EDC3: variants seen among roughly 807,000 people sequenced by gnomAD.
The protein encoded by EDC3 is enhancer of mRNA-decapping protein 3.
EDC3 carries 20 observed loss-of-function variants against 41.8 expected under a neutral mutation model. The ratio of observed to expected loss-of-function variants is 0.48; its 90% CI spans 0.34 to 0.70. The LOEUF (loss-of-function observed/expected upper bound fraction) is 0.70. Ranked by LOEUF, EDC3 falls within the 30% of genes least tolerant of loss-of-function variation. EDC3 has a pLI of 0.01. For synonymous variants in EDC3, 206 were observed against 243.2 expected, an observed-to-expected ratio of 0.85 and a Z score of 1.42; for missense variants, 444 against 636.8, an observed-to-expected ratio of 0.70 and a Z score of 3.26.
At chr15:74,655,454 C>G (rs2062534417) in intron 4 of EDC3, among the ~76,000 whole-genome samples, 1 of 152,102 alleles carries the variant, frequency 6.6e-6, no homozygotes, top group Non-Finnish European at 1.5e-5. Flanking sequence ...ATAGCAGGCC[C>G]TTTGCCTTTA....
Position 74,667,911 on chromosome 15 carries a change from C to CAT in EDC3, c.484+3542_484+3543dup, listed in dbSNP as rs1430922897. Among the ~76,000 whole-genome samples the CAT allele has an allele frequency of 2.6e-5, 4 of 152,228 alleles. No individual in the cohort carries two copies. The East Asian group carries it at 7.7e-4, about 29-fold the overall frequency. On this transcript the variant is annotated intron_variant, in intron 3 of 6. Coordinates refer to ENST00000315127, the MANE Select transcript of EDC3 (RefSeq NM_025083.5). ...CATAGTGATTTCCTTCCAAAGAGTA[C>CAT]ATATGTAAAGGGGAAGAAAGAGTCA...
intron 1 of EDC3, chr15:74,693,138 A>G (rs2063027174): frequency 6.6e-6 from 1 of 152,222 alleles, no homozygotes; most frequent in African/African-American, 2.4e-5. Flanking sequence ...CTAATATTCC[A>G]GGTACAAGCC....
chr15:74,640,191 T>G, intron 5 of EDC3: 1 of 380,354 alleles, frequency 2.6e-6, no homozygotes, highest in Non-Finnish European at 4.8e-6. Context: ...GGAAGGCTTC[T>G]GATAGTTAGC....
chr15:74,694,947 T>C (rs960758933), intron 1 of EDC3, among the ~76,000 whole-genome samples: 2 of 151,044 alleles, frequency 1.3e-5, no homozygotes, highest in African/African-American at 4.9e-5. Flanking sequence ...GTACACGTAA[T>C]CTGCCATTCA....
intron 5 of EDC3, chr15:74,637,539 G>A (rs1482090033): frequency 6.6e-6 from 1 of 152,196 alleles, no homozygotes; most frequent in African/African-American, 2.4e-5. Context: ...GGATCTAACA[G>A]CTAGGAAGCA....
At chr15:74,676,073 T>C (rs1198867492) in intron 1 of EDC3, among the ~76,000 whole-genome samples, 2 of 152,056 alleles carry the variant, frequency 1.3e-5, no homozygotes, top group Non-Finnish European at 2.9e-5. Context: ...CACAACAGAA[T>C]TAAATTTGAA....
intron 6 of EDC3, among the ~76,000 whole-genome samples, chr15:74,634,426 C>G (rs1258085683): frequency 6.6e-6 from 1 of 152,214 alleles, no homozygotes. Flanking sequence ...CCAGGCTCCT[C>G]ATGGCTTAAA....
chr15:74,656,790 T>C (rs944818193), intron 3 of EDC3, among the ~76,000 whole-genome samples: 1 of 152,162 alleles, frequency 6.6e-6, no homozygotes, highest in South Asian at 2.1e-4. Context: ...CACCCTATCC[T>C]GTGCCTATAA....
intron 2 of EDC3, among the ~76,000 whole-genome samples, chr15:74,672,685 C>T (rs535143287): frequency 5.9e-5 from 9 of 151,822 alleles, no homozygotes; most frequent in African/African-American, 2.2e-4. Context: ...TGTGGTGGTA[C>T]GCACCTGCAA....
At chr15:74,659,635 C>G (rs1402949311) in intron 3 of EDC3, among the ~76,000 whole-genome samples, 1 of 151,654 alleles carries the variant, frequency 6.6e-6, no homozygotes, top group Non-Finnish European at 1.5e-5. Context: ...CTTTGGGAGG[C>G]CAAGGTGGGC....
intron 4 of EDC3, chr15:74,642,337 C>T (rs1189657640): frequency 2.0e-5 from 3 of 152,200 alleles, no homozygotes; most frequent in African/African-American, 7.2e-5. Context: ...AGCACTGAGT[C>T]TCTCCTCCCA....
At chr15:74,694,745 ACT>A (rs2063046676) in intron 1 of EDC3, among the ~76,000 whole-genome samples, 1 of 152,248 alleles carries the variant, frequency 6.6e-6, no homozygotes, top group African/African-American at 2.4e-5. Context: ...GTGTGTACAC[ACT>A]GAGTGTGCAG....
At chr15:74,644,471 T>C (rs2062389731) in intron 4 of EDC3, 1 of 151,994 alleles carries the variant, frequency 6.6e-6, no homozygotes, top group African/African-American at 2.4e-5. Flanking sequence ...TGAGAACACA[T>C]GGACACAGGG....
intron 4 of EDC3, among the ~76,000 whole-genome samples, chr15:74,647,837 T>G (rs1004878376): frequency 6.6e-6 from 1 of 152,224 alleles, no homozygotes; most frequent in African/African-American, 2.4e-5. Context: ...AGTGAAAAGT[T>G]GTGACACTTC....
chr15:74,673,147 A>C (rs1596324598), intron 2 of EDC3, among the ~76,000 whole-genome samples: 1 of 152,268 alleles, frequency 6.6e-6, no homozygotes, highest in South Asian at 2.1e-4. Context: ...CATCATGATC[A>C]CAATGGATTT....
intron 4 of EDC3, among the ~76,000 whole-genome samples, chr15:74,654,071 T>C (rs902431157): frequency 6.6e-6 from 1 of 151,946 alleles, no homozygotes; most frequent in East Asian, 1.9e-4. Context: ...GCCAACATAG[T>C]GAAACCCCAT....
intron 3 of EDC3, among the ~76,000 whole-genome samples, chr15:74,656,517 T>C (rs1336041904): frequency 6.6e-6 from 1 of 152,178 alleles, no homozygotes; most frequent in African/African-American, 2.4e-5. Flanking sequence ...CTTAACCAGT[T>C]ATCCCCTTCA....
chr15:74,676,033 A>C (rs1024772587), intron 1 of EDC3, among the ~76,000 whole-genome samples: 2 of 152,222 alleles, frequency 1.3e-5, no homozygotes, highest in Non-Finnish European at 1.5e-5. Context: ...ATTTAAAAAG[A>C]CTGAGATCAC....
chr15:74,685,300 T>C (rs1428582726), intron 1 of EDC3, among the ~76,000 whole-genome samples: 8 of 151,988 alleles, frequency 5.3e-5, no homozygotes, highest in Non-Finnish European at 1.0e-4. Flanking sequence ...CTACTCAGAA[T>C]GCTGAGACAG....
Sources: gnomAD v4.1 joint callset for allele counts (sites outside exome capture counted in the v4.1 genomes callset) on GRCh38, gnomAD v4.1.1 for gene constraint, MANE v1.5 for transcripts, NCBI Gene and HGNC (gene_info 2026-07-23, HGNC 2026-07-21) for gene names.